Variants in DPP10 observed in about 807,000 individuals in gnomAD.
The protein encoded by DPP10 is dipeptidyl peptidase like 10.
DPP10 carries 33 observed loss-of-function variants against 120.9 expected under a neutral mutation model. The ratio of observed to expected loss-of-function variants is 0.27; its 90% confidence interval spans 0.21 to 0.37. DPP10 has a LOEUF of 0.37. Ranked by LOEUF, DPP10 falls within the 10% of genes least tolerant of loss-of-function variation. The pLI is 1.00. For missense variants in DPP10, 816 were observed against 942.8 expected (o/e 0.87, Z 1.76); for synonymous variants, 337 against 326.1 (o/e 1.03, Z -0.36).
At chr2:114,924,538 G>A (rs1207220135) in intron 1 of DPP10, among the ~76,000 whole-genome samples, 5 of 148,586 alleles carry the variant, frequency 3.4e-5, no homozygotes, top group Admixed American at 2.7e-4. Context: ...AAAAAAAAAA[G>A]AAAGAGGAAA....
intron 1 of DPP10, among the ~76,000 whole-genome samples, chr2:115,136,708 T>C (rs1287050258): frequency 4.0e-5 from 6 of 151,884 alleles, no homozygotes; most frequent in Non-Finnish European, 8.8e-5. Context: ...GCAAGCAATC[T>C]GAGGTTATCT....
At chr2:114,469,315 TAAAC>T (rs1192248136) in intron 1 of DPP10, among the ~76,000 whole-genome samples, 5 of 152,234 alleles carry the variant, frequency 3.3e-5, no homozygotes, top group African/African-American at 1.2e-4. Context: ...AAGTACTTAT[TAAAC>T]AAGAGAGGAT....
chr2:115,257,960 T>C (rs2059080183), intron 1 of DPP10, among the ~76,000 whole-genome samples: 1 of 152,224 alleles, frequency 6.6e-6, no homozygotes, highest in African/African-American at 2.4e-5. Flanking sequence ...ATAGGATATA[T>C]GTAGAATTCC....
At chr2:114,753,950 T>C (rs1406124977) in intron 1 of DPP10, among the ~76,000 whole-genome samples, 1 of 132,548 alleles carries the variant, frequency 7.5e-6, no homozygotes, top group Non-Finnish European at 1.7e-5. Flanking sequence ...AATATGAAAA[T>C]GTTAAATACA....
intron 4 of DPP10, among the ~76,000 whole-genome samples, chr2:115,504,275 C>CT (rs5833604): frequency 0.9 from 118,600 of 131,592 alleles, 53,553 homozygotes; most frequent in East Asian, 0.97. Flanking sequence ...CTATTGCCAA[C>CT]TTTTTTTTTT....
intron 1 of DPP10, among the ~76,000 whole-genome samples, chr2:115,008,650 A>T (rs1702035668): frequency 8.7e-6 from 1 of 114,964 alleles, no homozygotes. Context: ...CAACCTACAG[A>T]ATGGGAGAAA....
At chr2:114,477,959 GTATATGTATA>G (rs1680657613) in intron 1 of DPP10, among the ~76,000 whole-genome samples, 1 of 56,192 alleles carries the variant, frequency 1.8e-5, no homozygotes, top group South Asian at 5.0e-4. Flanking sequence ...ATATATGTGT[GTATATGTATA>G]TATGTGTATA....
At chr2:114,603,412 C>T (rs535995268) in intron 1 of DPP10, among the ~76,000 whole-genome samples, 5 of 152,140 alleles carry the variant, frequency 3.3e-5, no homozygotes, top group South Asian at 2.1e-4. Context: ...AACTTGTCTG[C>T]GTTTTAGGTT....
intron 1 of DPP10, among the ~76,000 whole-genome samples, chr2:114,920,226 G>GT (rs902499936): frequency 6.6e-6 from 1 of 152,126 alleles, no homozygotes; most frequent in African/African-American, 2.4e-5. Context: ...AAAAACAATA[G>GT]TTTTTTCATA....
chr2:115,729,461 A>AT (rs1163395495), intron 8 of DPP10, among the ~76,000 whole-genome samples: 1 of 152,152 alleles, frequency 6.6e-6, no homozygotes, highest in Non-Finnish European at 1.5e-5. Context: ...ATTTGCAAGC[A>AT]TTTTTTCTAA....
intron 5 of DPP10, among the ~76,000 whole-genome samples, chr2:115,672,043 T>C (rs13383094): frequency 0.25 from 37,322 of 152,166 alleles, 5,139 homozygotes; most frequent in African/African-American, 0.37. Context: ...TCTACCATCA[T>C]ATACTCAGTA....
chr2:114,956,904 C>A (rs2104685362), intron 1 of DPP10, among the ~76,000 whole-genome samples: 1 of 150,696 alleles, frequency 6.6e-6, no homozygotes, highest in Non-Finnish European at 1.5e-5. Flanking sequence ...TGAAGTTAGA[C>A]CCTTTTCTCA....
intron 3 of DPP10, among the ~76,000 whole-genome samples, chr2:115,484,142 C>CG (rs1375059211): frequency 2.2e-5 from 3 of 138,568 alleles, no homozygotes; most frequent in African/African-American, 9.1e-5. Context: ...CCAGTACACC[C>CG]CCCCCCCACA....
At chr2:115,101,143 T>C (rs1297489722) in intron 1 of DPP10, among the ~76,000 whole-genome samples, 1 of 152,208 alleles carries the variant, frequency 6.6e-6, no homozygotes, top group Non-Finnish European at 1.5e-5. Flanking sequence ...TAGTGATGGA[T>C]GACATGGAGT....
rs1690456003 is a variant in DPP10, at chr2:115,844,496, T to C, written c.*2151T>C. 6.6e-6 allele frequency: 1 copy of C among 152,466 alleles called. No homozygotes were observed. The highest frequency in any genetic ancestry group is 2.4e-5 in the African/African-American group (1 of 41,436). 9.4% of individuals were successfully genotyped at this position (152,466 alleles called of 1,614,324 possible). ...ACTAAAGAGACCTCAAGTGAAAGCA[T>C]ATTGCTTAGTAGGAAGGTAGAAAAT... is the stretch of plus-strand genomic sequence containing the variant. On this transcript the variant is annotated 3_prime_UTR_variant, in exon 26 of 26. Transcript: ENST00000410059.
chr2:115,378,629 T>C (rs7424033), intron 3 of DPP10, among the ~76,000 whole-genome samples: 95,945 of 145,852 alleles, frequency 0.66, 32,045 homozygotes, highest in Admixed American at 0.74. Flanking sequence ...CTGTCTTGTG[T>C]CAGTTTTCAA....
chr2:115,181,262 T>A (rs2054057803), intron 1 of DPP10, among the ~76,000 whole-genome samples: 1 of 152,188 alleles, frequency 6.6e-6, no homozygotes, highest in Admixed American at 6.5e-5. Context: ...ATTGAGAAAG[T>A]ATTTTAGGCA....
At chr2:115,123,576 C>T (rs1399442873) in intron 1 of DPP10, among the ~76,000 whole-genome samples, 1 of 152,136 alleles carries the variant, frequency 6.6e-6, no homozygotes, top group African/African-American at 2.4e-5. Flanking sequence ...CCCGGTCATC[C>T]AAATCCTGAG....
chr2:115,294,074 AG>A (rs2060777603), intron 1 of DPP10, among the ~76,000 whole-genome samples: 1 of 152,134 alleles, frequency 6.6e-6, no homozygotes, highest in African/African-American at 2.4e-5. Context: ...TATTGATTAA[AG>A]ATCTAGTCTT....
Sources: allele counts gnomAD v4.1 joint callset (sites outside exome capture counted in the v4.1 genomes callset), GRCh38; gene constraint gnomAD v4.1.1; transcripts MANE v1.5; gene names NCBI Gene and HGNC (gene_info 2026-07-23, HGNC 2026-07-21).